IGF1: variants seen among roughly 807,000 people sequenced by gnomAD.
IGF1 encodes the protein insulin like growth factor 1.
In IGF1, 4 loss-of-function variants were observed where a neutral mutation model predicts 13.8. That is an observed-to-expected ratio of 0.29 (90% CI 0.14 to 0.66). The LOEUF (loss-of-function observed/expected upper bound fraction) is 0.66, where lower values mean the gene tolerates loss of function less well. Ranked by LOEUF, IGF1 falls within the 30% of genes least tolerant of loss-of-function variation. IGF1 has a pLI of 0.78. For synonymous variants in IGF1, 76 were observed against 72.6 expected (o/e 1.05, Z -0.23); for missense variants, 124 against 188.5 (o/e 0.66, Z 2.00).
At chr12:102,418,609 C>T (rs1376229377) in intron 3 of IGF1, among the ~76,000 whole-genome samples, 1 of 152,244 alleles carries the variant, frequency 6.6e-6, no homozygotes, top group Non-Finnish European at 1.5e-5. Context: ...TATTTCTTCC[C>T]TTACTCAACT....
chr12:102,435,327 C>T (rs1877133869), intron 2 of IGF1, among the ~76,000 whole-genome samples: 3 of 152,186 alleles, frequency 2.0e-5, no homozygotes. Context: ...GTTAAAATTA[C>T]TCAGCAAAGA....
chr12:102,419,514 G>C lies in IGF1; in HGVS notation c.397C>G (p.Gln133Glu). 1 of 1,612,860 alleles carries C rather than the reference G, an allele frequency of 6.2e-7. No individual in the cohort carries two copies. The highest frequency in any genetic ancestry group is 1.1e-5 in the South Asian group (1 of 91,020). ...AQRHTDMPKT[Q>E]KEVHLKNASR... ...TCCCACCCAGGTGGGCTTACCTTCT[G>C]GGTCTTGGGCATGTCGGTGTGGCGC... Residue 133 changes from glutamine (Q) to glutamate (E), a missense_variant, in exon 3 of 4, where the codon CAG (glutamine) becomes GAG (glutamate). Physicochemically the swap from Gln to Glu is conservative, Grantham distance 29. Transcript: ENST00000337514.
intron 2 of IGF1, among the ~76,000 whole-genome samples, chr12:102,420,803 T>A (rs932653262): frequency 6.6e-6 from 1 of 152,214 alleles, no homozygotes; most frequent in African/African-American, 2.4e-5. Flanking sequence ...TCTCCACGGA[T>A]GCTCAGGCTT....
intron 2 of IGF1, among the ~76,000 whole-genome samples, chr12:102,442,468 A>C (rs562494758): frequency 1.3e-5 from 2 of 152,052 alleles, no homozygotes. Context: ...GTGACTTTTC[A>C]CTTTAGTTTG....
chr12:102,470,303 G>A (rs1195326485), intron 2 of IGF1, among the ~76,000 whole-genome samples: 1 of 152,180 alleles, frequency 6.6e-6, no homozygotes. Context: ...GGCAATAGAG[G>A]CCATGCCCTT....
Position 102,480,430 on chromosome 12 carries a change from G to A in IGF1, c.-49C>T, listed in dbSNP as rs769834700. ...AAATGAATTGGTTAGCAGGAATAAT[G>A]AAGCAAAAAGAAATCCAGAGAGATG... is the stretch of plus-strand genomic sequence containing the variant. On this transcript the variant is annotated 5_prime_UTR_variant, in exon 1 of 4. Transcript: ENST00000337514. 1.9e-6 allele frequency: 3 copies of A among 1,611,836 alleles called. No homozygotes were observed. Among genetic ancestry groups the A allele is most frequent in the Non-Finnish European group, 2.5e-6 (3 of 1,179,178 alleles).
rs772338713 is a variant in IGF1, at chr12:102,396,553, A to T, written c.*5954T>A. On this transcript the variant is annotated 3_prime_UTR_variant, in exon 4 of 4. Coordinates refer to ENST00000337514, the MANE Select transcript of IGF1 (RefSeq NM_000618.5). ...GGGGTCAATGGGTGGCTTGAAAGGGATTTTAGAGCTCTGTTTTTATTTTTC... is the reference window on the plus strand; with the variant it reads ...GGGGTCAATGGGTGGCTTGAAAGGGTTTTTAGAGCTCTGTTTTTATTTTTC... The T allele has an allele frequency of 1.3e-5, 3 of 236,974 alleles. No homozygotes were observed. Among genetic ancestry groups the T allele is most frequent in the Non-Finnish European group, 2.4e-5 (3 of 124,222 alleles). 14.7% of individuals were successfully genotyped at this position (236,974 alleles called of 1,614,324 possible).
rs941823385 is a variant in IGF1, at chr12:102,418,015, A to C, written c.402+1494T>G. 66 of 1,602,920 alleles carry C rather than the reference A, an allele frequency of 4.1e-5. 2 individuals are homozygous for C. The highest frequency in any genetic ancestry group is 8.5e-7 in the Non-Finnish European group (1 of 1,177,280). On this transcript the variant is annotated intron_variant, in intron 3 of 3. Coordinates refer to ENST00000337514, the MANE Select transcript of IGF1 (RefSeq NM_000618.5). ...GATGGGGGCTGATACTGTAAACATC[A>C]CAAAAATAATTGCATTGAGAACAAG...
chr12:102,445,172 A>T (rs1008492030), intron 2 of IGF1, among the ~76,000 whole-genome samples: 2 of 151,186 alleles, frequency 1.3e-5, no homozygotes, highest in South Asian at 2.1e-4. Flanking sequence ...AGGTAGCGTG[A>T]TGCCTCCAGC....
At chr12:102,439,703 T>G (rs562645391) in intron 2 of IGF1, among the ~76,000 whole-genome samples, 1 of 126,094 alleles carries the variant, frequency 7.9e-6, no homozygotes, top group African/African-American at 3.1e-5. Flanking sequence ...CTGGAAAAGA[T>G]CCAGCTAGGA....
rs955374722 is a variant in IGF1, at chr12:102,464,975, G to A, written c.220+10668C>T. 2.6e-5 allele frequency among the ~76,000 whole-genome samples: 4 copies of A among 152,172 alleles called. No homozygotes were observed. In the East Asian group the frequency reaches 7.7e-4, roughly 29 times the overall value. On this transcript the variant is annotated intron_variant, in intron 2 of 3. Coordinates refer to ENST00000337514, the MANE Select transcript of IGF1 (RefSeq NM_000618.5). ...ACCTCGTGGGGAACAAAGTCTTTAA[G>A]CAAGCTCAGTGTGGTAAAATGATAG... is the stretch of plus-strand genomic sequence containing the variant.
intron 3 of IGF1, among the ~76,000 whole-genome samples, chr12:102,416,575 T>C (rs1295771240): frequency 1.3e-5 from 2 of 152,186 alleles, no homozygotes; most frequent in Non-Finnish European, 2.9e-5. Context: ...TACCCACTTC[T>C]GGATCTCAGT....
chr12:102,430,395 C>A (rs143552598), intron 2 of IGF1, among the ~76,000 whole-genome samples: 4 of 152,120 alleles, frequency 2.6e-5, no homozygotes, highest in Admixed American at 6.5e-5. Context: ...TAACTGGATG[C>A]CTGTTTATAT....
At chr12:102,421,821 C>T (rs958799715) in intron 2 of IGF1, among the ~76,000 whole-genome samples, 3 of 152,178 alleles carry the variant, frequency 2.0e-5, no homozygotes, top group African/African-American at 7.2e-5. Flanking sequence ...CTTTCAAGCT[C>T]CTCTAACTTA....
chr12:102,419,321 C>A (rs572623946), intron 3 of IGF1, among the ~76,000 whole-genome samples, 188 bp downstream of exon 3: 8 of 152,130 alleles, frequency 5.3e-5, no homozygotes, highest in Non-Finnish European at 1.0e-4. Flanking sequence ...TCGTCCATAG[C>A]GGTGGGAGGG....
intron 2 of IGF1, among the ~76,000 whole-genome samples, chr12:102,437,884 T>A (rs1193469565): frequency 6.6e-6 from 1 of 152,224 alleles, no homozygotes; most frequent in Non-Finnish European, 1.5e-5. Context: ...GTGTACCCCA[T>A]AATTATTTAC....
chr12:102,465,280 A>G (rs1413962533), intron 2 of IGF1, among the ~76,000 whole-genome samples: 1 of 152,224 alleles, frequency 6.6e-6, no homozygotes, highest in Non-Finnish European at 1.5e-5. Context: ...CATCCAATTC[A>G]GTTCATCAGT....
chr12:102,444,694 A>C (rs1392496690), intron 2 of IGF1, among the ~76,000 whole-genome samples: 1 of 152,098 alleles, frequency 6.6e-6, no homozygotes, highest in Non-Finnish European at 1.5e-5. Flanking sequence ...AAGCAAGCAA[A>C]ACAATTGGTT....
chr12:102,480,640 G>A, upstream of IGF1: 1 of 1,332,278 alleles, frequency 7.5e-7, no homozygotes, highest in East Asian at 3.0e-5. Context: ...GGGAACATTT[G>A]CCTTCTCTCT....
Sources: gnomAD v4.1 joint callset for allele counts (sites outside exome capture counted in the v4.1 genomes callset) on GRCh38, gnomAD v4.1.1 for gene constraint, MANE v1.5 for transcripts, NCBI Gene and HGNC (gene_info 2026-07-23, HGNC 2026-07-21) for gene names.